OSBPL10: variants seen among roughly 807,000 people sequenced by gnomAD.
OSBPL10 encodes the protein oxysterol binding protein like 10.
Under a neutral mutation model 81.7 loss-of-function variants are expected in OSBPL10, and 49 were observed. That is an observed-to-expected ratio of 0.60 (90% CI 0.48 to 0.76). OSBPL10 has a LOEUF of 0.76. OSBPL10 is among the 30% of genes least tolerant of loss of function. OSBPL10 has a pLI of 0.00. For missense variants in OSBPL10, 923 were observed against 987.8 expected (o/e 0.93, Z 0.88); for synonymous variants, 419 against 383.6 (o/e 1.09, Z -1.08).
rs543556415 is a variant in OSBPL10 at position 31,943,838 on chromosome 3, C to T, written c.281+37061G>A. ...AAAAAACTAGCCAGGCATGGTGGCA[C>T]GCACCTGTAGTCCCAGCTACTCAGG... On this transcript the variant is annotated intron_variant, in intron 1 of 11. Transcript: ENST00000396556. Among the ~76,000 whole-genome samples, 11 of 151,770 alleles carry T rather than the reference C, an allele frequency of 7.2e-5. No homozygotes were observed. In the South Asian group the frequency reaches 8.3e-4, roughly 12 times the overall value.
intron 5 of OSBPL10, among the ~76,000 whole-genome samples, chr3:31,736,738 G>C (rs149774442): frequency 1.3e-5 from 2 of 152,296 alleles, no homozygotes; most frequent in Non-Finnish European, 2.9e-5. Flanking sequence ...TGTCTCTACA[G>C]AAAATTAACA....
At chr3:31,799,803 A>C (rs774627081) in intron 4 of OSBPL10, among the ~76,000 whole-genome samples, 3 of 152,168 alleles carry the variant, frequency 2.0e-5, no homozygotes, top group Non-Finnish European at 4.4e-5. Flanking sequence ...CAACCCTCTT[A>C]ACAAATTTTC....
chr3:31,959,188 C>A (rs1236730198), intron 1 of OSBPL10, among the ~76,000 whole-genome samples: 1 of 152,136 alleles, frequency 6.6e-6, no homozygotes. Flanking sequence ...GATATCGGCT[C>A]ACAGAGAAAA....
At chr3:31,905,305 A>G (rs993869261) in intron 1 of OSBPL10, among the ~76,000 whole-genome samples, 3 of 146,744 alleles carry the variant, frequency 2.0e-5, no homozygotes, top group African/African-American at 7.7e-5. Flanking sequence ...CAAAGAGCAC[A>G]TGGCATTCCA....
chr3:31,933,744 T>C (rs530185874), intron 1 of OSBPL10, among the ~76,000 whole-genome samples: 1 of 152,270 alleles, frequency 6.6e-6, no homozygotes, highest in South Asian at 2.1e-4. Context: ...TGAGAAATAC[T>C]ATTAGAACAC....
At chr3:31,820,855 A>T (rs184925885) in intron 4 of OSBPL10, among the ~76,000 whole-genome samples, 1 of 152,226 alleles carries the variant, frequency 6.6e-6, no homozygotes, top group East Asian at 1.9e-4. Context: ...AGTATCTCCC[A>T]GTGGTTATAA....
At chr3:31,760,037 C>T (rs1697988329) in intron 4 of OSBPL10, among the ~76,000 whole-genome samples, 1 of 152,240 alleles carries the variant, frequency 6.6e-6, no homozygotes, top group Non-Finnish European at 1.5e-5. Flanking sequence ...GCTGGGATTA[C>T]AGGCGTGAGC....
intron 2 of OSBPL10, among the ~76,000 whole-genome samples, chr3:32,039,695 A>G (rs992679467): frequency 2.6e-5 from 4 of 152,148 alleles, no homozygotes. Context: ...AGATTATTTT[A>G]AGGAGAAGCA....
intron 6 of OSBPL10, among the ~76,000 whole-genome samples, chr3:31,705,393 G>A (rs1432969235): frequency 2.0e-5 from 2 of 98,726 alleles, no homozygotes; most frequent in Non-Finnish European, 3.9e-5. Context: ...CACCCCCATC[G>A]CGGTCCAACT....
intron 4 of OSBPL10, among the ~76,000 whole-genome samples, chr3:31,796,714 T>C (rs1003469889): frequency 6.6e-6 from 1 of 152,172 alleles, no homozygotes; most frequent in Non-Finnish European, 1.5e-5. Context: ...TCTTCAGACA[T>C]TATCAAATGC....
chr3:31,741,785 T>C (rs115924969), intron 5 of OSBPL10, among the ~76,000 whole-genome samples: 5,791 of 152,272 alleles, frequency 0.038, 380 homozygotes, highest in African/African-American at 0.13. Context: ...AGAGACCCAG[T>C]GGAGTATGAC....
At chr3:31,930,098 A>G (rs1697199157) in intron 1 of OSBPL10, among the ~76,000 whole-genome samples, 1 of 151,632 alleles carries the variant, frequency 6.6e-6, no homozygotes, top group African/African-American at 2.4e-5. Context: ...TGAGCACTTG[A>G]GACCAGGCGT....
chr3:31,805,694 G>A (rs989911245), intron 4 of OSBPL10, among the ~76,000 whole-genome samples: 1 of 152,126 alleles, frequency 6.6e-6, no homozygotes, highest in African/African-American at 2.4e-5. Flanking sequence ...GATGGTAGGC[G>A]CTGAATGCTC....
chr3:31,692,239 T>A (rs757334868), intron 7 of OSBPL10, among the ~76,000 whole-genome samples: 2 of 151,992 alleles, frequency 1.3e-5, no homozygotes, highest in African/African-American at 4.8e-5. Context: ...GGCAAATTCA[T>A]CTCCCCAGGA....
intron 1 of OSBPL10, among the ~76,000 whole-genome samples, chr3:31,980,010 A>ATT (rs759753840): frequency 6.7e-6 from 1 of 148,304 alleles, no homozygotes; most frequent in African/African-American, 2.5e-5. Context: ...TATTTTATTT[A>ATT]TTTATTTTTT....
intron 6 of OSBPL10, chr3:31,705,014 G>A (rs912159675): frequency 6.6e-6 from 1 of 152,252 alleles, no homozygotes; most frequent in Non-Finnish European, 1.5e-5. Context: ...GGCTCCAGCA[G>A]AGGAAATTAA....
At chr3:32,041,948 C>G (rs1334063513) in intron 2 of OSBPL10, among the ~76,000 whole-genome samples, 1 of 152,220 alleles carries the variant, frequency 6.6e-6, no homozygotes, top group Admixed American at 6.5e-5. Flanking sequence ...GTGTGAGCCA[C>G]TGCACCTGGC....
chr3:31,787,728 T>C (rs1234692546), intron 4 of OSBPL10, among the ~76,000 whole-genome samples: 2 of 152,122 alleles, frequency 1.3e-5, no homozygotes, highest in African/African-American at 4.8e-5. Flanking sequence ...CAGTCCTAGA[T>C]TGGTTCACAG....
intron 1 of OSBPL10, among the ~76,000 whole-genome samples, chr3:31,950,030 G>A (rs1697824968): frequency 6.6e-6 from 1 of 152,144 alleles, no homozygotes; most frequent in African/African-American, 2.4e-5. Flanking sequence ...ATGTAGGCTT[G>A]TATTAGCTTC....
Sources: gnomAD v4.1 joint callset for allele counts (sites outside exome capture counted in the v4.1 genomes callset) on GRCh38, gnomAD v4.1.1 for gene constraint, MANE v1.5 for transcripts, NCBI Gene and HGNC (gene_info 2026-07-23, HGNC 2026-07-21) for gene names.